THSD7B: variants seen among roughly 807,000 people sequenced by gnomAD.
The protein encoded by THSD7B is thrombospondin type-1 domain-containing protein 7B.
Under a neutral mutation model 213.6 loss-of-function variants are expected in THSD7B, and 138 were observed. That is an observed-to-expected ratio of 0.65 (90% CI 0.56 to 0.74). THSD7B has a LOEUF of 0.74. THSD7B is among the 30% of genes least tolerant of loss of function. The probability of loss-of-function intolerance (pLI) is 0.00; values close to 1 mark genes in which losing one functional copy is unlikely to be tolerated. For missense variants in THSD7B, 1,931 were observed against 1,991.5 expected, an observed-to-expected ratio of 0.97 and a Z score of 0.58; for synonymous variants, 742 against 687.0, an observed-to-expected ratio of 1.08 and a Z score of -1.25.
intron 12 of THSD7B, among the ~76,000 whole-genome samples, chr2:137,381,074 G>C (rs574475708): frequency 6.6e-6 from 1 of 152,304 alleles, no homozygotes; most frequent in South Asian, 2.1e-4. Flanking sequence ...TCAGAACTCA[G>C]TTAGAACCTG....
At chr2:137,043,941 C>T (rs953053700) in intron 2 of THSD7B, among the ~76,000 whole-genome samples, 1 of 152,222 alleles carries the variant, frequency 6.6e-6, no homozygotes, top group African/African-American at 2.4e-5. Flanking sequence ...AAGGTGAGTA[C>T]TAGGTTTCTG....
chr2:137,350,488 A>G (rs1350662779), intron 12 of THSD7B, among the ~76,000 whole-genome samples: 2 of 151,854 alleles, frequency 1.3e-5, no homozygotes, highest in African/African-American at 2.4e-5. Flanking sequence ...CGGTAAAGTC[A>G]TATCAGTGAG....
chr2:137,314,081 G>A (rs1684009357), intron 12 of THSD7B, among the ~76,000 whole-genome samples: 2 of 152,072 alleles, frequency 1.3e-5, no homozygotes, highest in African/African-American at 2.4e-5. Flanking sequence ...AAGTTCTCCT[G>A]GATAATATCC....
Position 136,882,143 on chromosome 2 carries a change from G to T in THSD7B, c.-35-1G>T. 1.4e-6 allele frequency: 2 copies of T among 1,458,706 alleles called. No homozygotes were observed. Among genetic ancestry groups the T allele is most frequent in the Admixed American group, 2.9e-5 (1 of 34,626 alleles). The allele number at this position is 1,458,706 out of a possible 1,614,324, so 90.4% of individuals were successfully genotyped here. A position where few individuals can be genotyped will look rare whatever the true frequency, so the allele number is the denominator to read the frequency against. On this transcript the variant is annotated splice_acceptor_variant, in intron 1 of 27. Coordinates refer to ENST00000409968, the MANE Select transcript of THSD7B (RefSeq NM_001316349.2). LOFTEE classifies it low-confidence loss of function (5UTR_SPLICE). The stretch of plus-strand genomic sequence containing the variant: ...ACCTGATTTTTCTTTTTCTCTTTTA[G>T]GAATAGGCAAGTCAAGAGGCTGAAA...
intron 5 of THSD7B, 27 bp from the exon 6 acceptor site, chr2:137,160,186 A>G (rs1458745705): frequency 2.5e-6 from 4 of 1,600,068 alleles, no homozygotes; most frequent in South Asian, 1.1e-5. Flanking sequence ...AGAATGTGAC[A>G]TGGTCCGTTA....
intron 2 of THSD7B, among the ~76,000 whole-genome samples, chr2:136,972,373 C>G (rs569030201): frequency 1.3e-5 from 2 of 151,952 alleles, no homozygotes; most frequent in African/African-American, 4.8e-5. Flanking sequence ...GTTGCTCTAG[C>G]GAATAGGCAG....
At chr2:137,528,657 C>A (rs931933299) in intron 15 of THSD7B, among the ~76,000 whole-genome samples, 1 of 152,104 alleles carries the variant, frequency 6.6e-6, no homozygotes, top group East Asian at 1.9e-4. Flanking sequence ...TCCCACACTG[C>A]CTTTTCAATA....
At chr2:137,261,915 C>CAAAAA (rs369579882) in intron 10 of THSD7B, among the ~76,000 whole-genome samples, 2 of 54,862 alleles carry the variant, frequency 3.6e-5, no homozygotes, top group African/African-American at 6.4e-5. Context: ...GAAAGTTTGT[C>CAAAAA]AAAAAAAAAA....
intron 2 of THSD7B, among the ~76,000 whole-genome samples, chr2:136,998,001 A>G (rs774097853): frequency 6.6e-6 from 1 of 152,126 alleles, no homozygotes. Context: ...AAAAAGCCCA[A>G]AATTCAGTAG....
chr2:137,290,956 T>C (rs6730528), intron 12 of THSD7B, among the ~76,000 whole-genome samples: 1 of 151,894 alleles, frequency 6.6e-6, no homozygotes, highest in Non-Finnish European at 1.5e-5. Context: ...ATCACACTTA[T>C]GAAGCCAAGG....
chr2:137,483,551 C>T (rs1157707662), intron 15 of THSD7B, among the ~76,000 whole-genome samples: 2 of 152,218 alleles, frequency 1.3e-5, no homozygotes, highest in African/African-American at 2.4e-5. Flanking sequence ...ACAGCACCTA[C>T]TTCATTGAAC....
intron 15 of THSD7B, among the ~76,000 whole-genome samples, chr2:137,482,599 T>G (rs1347960142): frequency 6.6e-6 from 1 of 152,180 alleles, no homozygotes; most frequent in East Asian, 1.9e-4. Flanking sequence ...GGCTTGGGTA[T>G]GCCTGACAGC....
At chr2:136,792,836 A>G (rs1328473086) in intron 1 of THSD7B, among the ~76,000 whole-genome samples, 3 of 152,154 alleles carry the variant, frequency 2.0e-5, no homozygotes, top group African/African-American at 7.2e-5. Context: ...ATGGAATCAT[A>G]CAAATACAAT....
At chr2:137,015,957 C>T (rs1378071746) in intron 2 of THSD7B, among the ~76,000 whole-genome samples, 1 of 152,146 alleles carries the variant, frequency 6.6e-6, no homozygotes, top group Non-Finnish European at 1.5e-5. Flanking sequence ...AATACTTGTG[C>T]TCTTCTCTTC....
intron 2 of THSD7B, among the ~76,000 whole-genome samples, chr2:136,991,501 G>T (rs1302333003): frequency 6.6e-6 from 1 of 152,084 alleles, no homozygotes; most frequent in Non-Finnish European, 1.5e-5. Context: ...ACCTGGGTAT[G>T]CAGTGGAGAG....
intron 4 of THSD7B, among the ~76,000 whole-genome samples, chr2:137,108,358 T>G (rs1374599315): frequency 6.6e-6 from 1 of 152,230 alleles, no homozygotes; most frequent in Non-Finnish European, 1.5e-5. Context: ...AAGAATAGTT[T>G]CTTAAATGTG....
chr2:137,398,760 A>T (rs569771556), intron 12 of THSD7B, among the ~76,000 whole-genome samples: 1 of 152,290 alleles, frequency 6.6e-6, no homozygotes, highest in African/African-American at 2.4e-5. Context: ...CCCCTCCCCC[A>T]GCCTCGCTGC....
chr2:136,988,841 C>G (rs1027723438), intron 2 of THSD7B, among the ~76,000 whole-genome samples: 1 of 152,198 alleles, frequency 6.6e-6, no homozygotes, highest in African/African-American at 2.4e-5. Flanking sequence ...ATTTACCAAA[C>G]ATTTGTCATT....
At chr2:137,606,032 A>G (rs1285541649) in intron 17 of THSD7B, among the ~76,000 whole-genome samples, 3 of 151,950 alleles carry the variant, frequency 2.0e-5, no homozygotes, top group African/African-American at 7.2e-5. Context: ...TCAATCTCCT[A>G]CCTCATGATC....
Sources: gnomAD v4.1 joint callset for allele counts (sites outside exome capture counted in the v4.1 genomes callset) on GRCh38, gnomAD v4.1.1 for gene constraint, MANE v1.5 for transcripts, NCBI Gene and HGNC (gene_info 2026-07-23, HGNC 2026-07-21) for gene names.